Variants in EXOC6 observed in about 807,000 individuals in gnomAD.
EXOC6 encodes exocyst complex component 6.
In EXOC6, 60 loss-of-function variants were observed where a neutral mutation model predicts 112.5. That is an observed-to-expected ratio of 0.53 (90% CI 0.43 to 0.66). The LOEUF (loss-of-function observed/expected upper bound fraction) is 0.66, where lower values mean the gene tolerates loss of function less well. EXOC6 is among the 30% of genes least tolerant of loss of function. EXOC6 has a pLI of 0.00. For synonymous variants in EXOC6, 295 were observed against 308.0 expected (o/e 0.96, Z 0.44); for missense variants, 855 against 957.1 (o/e 0.89, Z 1.41).
rs186303788 is a variant in EXOC6 at position 93,036,940 on chromosome 10, C to T, written c.2170-19984C>T. On this transcript the variant is annotated intron_variant, in intron 20 of 21. Transcript: ENST00000260762. ...CTGTTTTCAATTATCAATATTCCTG[C>T]TCTTTTTTTCACTGAAAGGGATAGG... Among the ~76,000 whole-genome samples, 32 of 152,184 alleles carry T rather than the reference C, an allele frequency of 2.1e-4. No homozygotes were observed. In the East Asian group the frequency reaches 3.7e-3, roughly 17 times the overall value.
rs757442470 is a variant in EXOC6, at chr10:92,909,533, C to G, written c.565C>G (p.Arg189Gly). 5 of 1,613,094 alleles carry G rather than the reference C, an allele frequency of 3.1e-6. No homozygotes were observed. Among genetic ancestry groups the G allele is most frequent in the Non-Finnish European group, 4.2e-6 (5 of 1,179,280 alleles). Residue 189 changes from arginine (R) to glycine (G), a missense_variant, in exon 6 of 22, where the codon CGT becomes GGT. Physicochemically the swap from Arg to Gly is moderately radical, Grantham distance 125. Transcript: ENST00000260762. ...CATGATAGAAAATCTTCCCAAACTC[C>G]GTGAGGATATTAAAGAAATCTCCAT... is the stretch of plus-strand genomic sequence containing the variant. ...QLMIENLPKL[R>G]EDIKEISMSD...
intron 17 of EXOC6, among the ~76,000 whole-genome samples, chr10:92,969,204 G>C (rs1842187624): frequency 6.6e-6 from 1 of 152,124 alleles, no homozygotes. Context: ...CATGTAAGAA[G>C]CCCAGTTACT....
At chr10:93,049,860 G>A (rs1046326079) in intron 20 of EXOC6, among the ~76,000 whole-genome samples, 1 of 152,172 alleles carries the variant, frequency 6.6e-6, no homozygotes, top group Non-Finnish European at 1.5e-5. Flanking sequence ...GAACCACCAT[G>A]GTAGGCCAGA....
chr10:92,992,820 C>T (rs1172460338), intron 18 of EXOC6, among the ~76,000 whole-genome samples: 1 of 151,602 alleles, frequency 6.6e-6, no homozygotes, highest in Non-Finnish European at 1.5e-5. Flanking sequence ...TTTTAAAATA[C>T]ACATACTCTT....
chr10:93,019,993 ATATGGTAAGACTAAAAT>A lies in EXOC6; in HGVS notation c.2169+5728_2169+5744del, dbSNP rs1443827595. ...TGCACTATACAAATAATCAGGCCAA[ATATGGTAAGACTAAAAT>A]TTATTTTACAAATAAATTGGTCCTA... On this transcript the variant is annotated intron_variant, in intron 20 of 21. Coordinates refer to ENST00000260762, the MANE Select transcript of EXOC6 (RefSeq NM_019053.6). Among the ~76,000 whole-genome samples, 8 of 152,222 alleles carry A rather than the reference ATATGGTAAGACTAAAAT, an allele frequency of 5.3e-5. No individual in the cohort carries two copies. The East Asian group carries it at 1.5e-3, about 29-fold the overall frequency.
chr10:93,014,129 A>G, intron 19 of EXOC6, 65 bp from the exon 20 acceptor site: 1 of 1,137,028 alleles, frequency 8.8e-7, no homozygotes, highest in Non-Finnish European at 1.3e-6. Flanking sequence ...AAATTAATTT[A>G]TCAGTTAAAC....
At chr10:92,975,889 C>G (rs1417606874) in intron 18 of EXOC6, among the ~76,000 whole-genome samples, 92 of 139,280 alleles carry the variant, frequency 6.6e-4, no homozygotes, top group Middle Eastern at 3.7e-3. Context: ...GCCCCTCTGC[C>G]TGGCCAGCCG....
intron 19 of EXOC6, among the ~76,000 whole-genome samples, chr10:93,011,739 A>G (rs11187240): frequency 0.11 from 15,896 of 151,274 alleles, 927 homozygotes; most frequent in African/African-American, 0.16. Flanking sequence ...TCAGCTACCT[A>G]GGCCATTTTC....
intron 17 of EXOC6, among the ~76,000 whole-genome samples, chr10:92,960,662 A>G (rs1853938161): frequency 6.6e-6 from 1 of 150,778 alleles, no homozygotes; most frequent in African/African-American, 2.4e-5. Context: ...CTAGCACCGT[A>G]GAAGCCTTCC....
In EXOC6 at chr10:92,896,691, G is replaced by GATT. The variant is rs1388147596; in HGVS notation, c.412+1673_412+1675dup. ...CAACCTCAGCCTCCCAAGTAGCTGG[G>GATT]ATTACAAGCATGCGCCACCATGCCC... On this transcript the variant is annotated intron_variant, in intron 4 of 21. Transcript: ENST00000260762. Among the ~76,000 whole-genome samples, 4 of 151,878 alleles carry GATT rather than the reference G, an allele frequency of 2.6e-5. No homozygotes were observed. In the East Asian group the frequency reaches 7.8e-4, roughly 30 times the overall value.
At chr10:92,837,097 A>AACACACACACACACACACAC (rs58871930) in intron 1 of EXOC6, among the ~76,000 whole-genome samples, 7 of 139,778 alleles carry the variant, frequency 5.0e-5, no homozygotes, top group Non-Finnish European at 1.1e-4. Context: ...GTTATAACAT[A>AACACACACACACACACACAC]ACACACACAC....
intron 5 of EXOC6, among the ~76,000 whole-genome samples, chr10:92,908,475 T>C (rs1850566764): frequency 6.6e-6 from 1 of 152,176 alleles, no homozygotes; most frequent in South Asian, 2.1e-4. Flanking sequence ...TCCAATTCAA[T>C]AGAAAGATAT....
Position 92,893,360 on chromosome 10 carries a change from A to G in EXOC6, c.113A>G (p.Asp38Gly), listed in dbSNP as rs374679977. Reference sequence around the variant, plus strand: ...TTATATACATTCAGGTCTGTGTATGATGACCAACCAAATGCGCACAAGAAG... The same window carrying G: ...TTATATACATTCAGGTCTGTGTATGGTGACCAACCAAATGCGCACAAGAAG... ...CVGPTLRSVY[D>G]DQPNAHKKFM... Residue 38 changes from aspartate to glycine, a missense_variant, in exon 2 of 22, where the codon GAT becomes GGT. Transcript: ENST00000260762. 9.3e-6 allele frequency: 15 copies of G among 1,610,720 alleles called. No individual in the cohort carries two copies. Among genetic ancestry groups the G allele is most frequent in the Non-Finnish European group, 1.2e-5 (14 of 1,178,318 alleles).
At chr10:93,053,840 A>G (rs1255641736) in intron 20 of EXOC6, among the ~76,000 whole-genome samples, 2 of 152,238 alleles carry the variant, frequency 1.3e-5, no homozygotes, top group African/African-American at 4.8e-5. Flanking sequence ...CAGCAGTACA[A>G]TGCATTTGAA....
At chr10:92,831,148 G>A (rs1846468333), upstream of EXOC6, among the ~76,000 whole-genome samples, 1 of 151,150 alleles carries the variant, frequency 6.6e-6, no homozygotes, top group African/African-American at 2.4e-5. Context: ...CGGTGTAGAA[G>A]AAAGTAAGAG....
chr10:92,976,675 A>C (rs1387210181), intron 18 of EXOC6, among the ~76,000 whole-genome samples: 1 of 146,534 alleles, frequency 6.8e-6, no homozygotes, highest in African/African-American at 2.6e-5. Context: ...AAAAATAATA[A>C]ATTAAAAAAA....
At chr10:93,023,233 G>T (rs1844867429) in intron 20 of EXOC6, among the ~76,000 whole-genome samples, 1 of 152,098 alleles carries the variant, frequency 6.6e-6, no homozygotes, top group African/African-American at 2.4e-5. Context: ...TCAAACTCCT[G>T]ATATTTGCTG....
At chr10:93,040,687 G>C (rs1162106095) in intron 20 of EXOC6, among the ~76,000 whole-genome samples, 2 of 152,062 alleles carry the variant, frequency 1.3e-5, no homozygotes, top group African/African-American at 2.4e-5. Context: ...ATTCCTATCT[G>C]CTTTGCCACA....
intron 1 of EXOC6, among the ~76,000 whole-genome samples, chr10:92,853,712 T>G (rs1422392282): frequency 1.3e-5 from 2 of 152,180 alleles, no homozygotes; most frequent in Admixed American, 6.5e-5. Context: ...TGATCCATGC[T>G]TTGCACCATA....
Sources: allele counts gnomAD v4.1 joint callset (sites outside exome capture counted in the v4.1 genomes callset), GRCh38; gene constraint gnomAD v4.1.1; transcripts MANE v1.5; gene names NCBI Gene and HGNC (gene_info 2026-07-23, HGNC 2026-07-21).